LEPR: variants seen among roughly 807,000 people sequenced by gnomAD.
LEPR encodes the protein OB receptor.
A neutral mutation model predicts 114.7 loss-of-function variants in LEPR; 56 were observed. That is an observed-to-expected ratio of 0.49 (90% CI 0.39 to 0.61). The LOEUF is 0.61. Ranked by LOEUF, LEPR falls within the 20% of genes least tolerant of loss-of-function variation. The pLI, the probability that LEPR is intolerant of heterozygous loss-of-function variation, is 0.00. For synonymous variants in LEPR, 443 were observed against 461.4 expected (o/e 0.96, Z 0.51); for missense variants, 1,202 against 1,352.9 (o/e 0.89, Z 1.75).
chr1:65,489,467 T>C (rs1647752207), intron 2 of LEPR, among the ~76,000 whole-genome samples: 1 of 152,182 alleles, frequency 6.6e-6, no homozygotes, highest in African/African-American at 2.4e-5. Flanking sequence ...ATTGGATTAT[T>C]TGATTTTCCT....
At chr1:65,435,188 C>G in intron 2 of LEPR, 1 of 985,368 alleles carries the variant, frequency 1.0e-6, no homozygotes, top group African/African-American at 1.7e-5. Context: ...ATAGTTGTTT[C>G]TTTTCTTCCA....
intron 14 of LEPR, 118 bp from the exon 15 acceptor site, chr1:65,615,890 C>T: frequency 1.5e-6 from 2 of 1,335,238 alleles, no homozygotes; most frequent in Non-Finnish European, 2.1e-6. Flanking sequence ...TGTAATAGTA[C>T]CTGCCCTGAT....
At chr1:65,511,447 C>T (rs868223559) in intron 2 of LEPR, among the ~76,000 whole-genome samples, 1 of 151,196 alleles carries the variant, frequency 6.6e-6, no homozygotes, top group African/African-American at 2.4e-5. Context: ...CACACACACA[C>T]ACACACACAC....
chr1:65,450,102 T>C (rs1646763524), intron 2 of LEPR, among the ~76,000 whole-genome samples: 1 of 152,216 alleles, frequency 6.6e-6, no homozygotes, highest in South Asian at 2.1e-4. Context: ...TTTAATTCTA[T>C]TGTGGTTTGA....
intron 8 of LEPR, 60 bp from the exon 9 acceptor site, chr1:65,601,332 G>A: frequency 6.3e-7 from 1 of 1,583,234 alleles, no homozygotes; most frequent in Non-Finnish European, 8.6e-7. Flanking sequence ...TTTCGATGTG[G>A]TACAAATTAC....
chr1:65,620,352 TTTG>T (rs1359498577), intron 17 of LEPR, among the ~76,000 whole-genome samples: 9 of 152,200 alleles, frequency 5.9e-5, no homozygotes, highest in African/African-American at 2.2e-4. Flanking sequence ...AAACATTTCA[TTTG>T]TTGTTAGAAT....
chr1:65,488,648 A>C (rs1350403568), intron 2 of LEPR, among the ~76,000 whole-genome samples: 1 of 151,886 alleles, frequency 6.6e-6, no homozygotes, highest in East Asian at 1.9e-4. Flanking sequence ...AAAAATATAC[A>C]ATTAATTATT....
intron 2 of LEPR, among the ~76,000 whole-genome samples, chr1:65,470,642 C>T (rs925133840): frequency 4.6e-5 from 7 of 152,140 alleles, no homozygotes; most frequent in Admixed American, 1.3e-4. Flanking sequence ...CCACTGATTA[C>T]CCAACATTGC....
rs1264386898 is a variant in LEPR, at chr1:65,613,549, C to T, written c.1996-2459C>T. Reference sequence around the variant, plus strand: ...CGGGTGGATCACGAGGTCAGGAGATCGAGACCATCCTGGCTAACAAGGTGA... The same window carrying T: ...CGGGTGGATCACGAGGTCAGGAGATTGAGACCATCCTGGCTAACAAGGTGA... On this transcript the variant is annotated intron_variant, in intron 14 of 19. Transcript: ENST00000349533. 2.0e-5 allele frequency among the ~76,000 whole-genome samples: 2 copies of T among 98,968 alleles called. 1 individual carries two copies. The highest frequency in any genetic ancestry group is 4.3e-5 in the Non-Finnish European group (2 of 46,104). The allele number at this position is 98,968 out of a possible 152,430, so 64.9% of individuals were successfully genotyped here.
At chr1:65,476,623 C>T (rs960355670) in intron 2 of LEPR, among the ~76,000 whole-genome samples, 1 of 152,170 alleles carries the variant, frequency 6.6e-6, no homozygotes, top group Non-Finnish European at 1.5e-5. Flanking sequence ...ACAGCAAGTT[C>T]TCCACTAAGC....
Position 65,583,596 on chromosome 1 carries a change from T to A in LEPR, c.495-9061T>A, listed in dbSNP as rs543296748. Reference sequence around the variant, plus strand: ...TAAAGGATGCCCTAAAAGATTCAAATTAGTGCTCAAGTAACTTAACTGACT... The same window carrying A: ...TAAAGGATGCCCTAAAAGATTCAAAATAGTGCTCAAGTAACTTAACTGACT... On this transcript the variant is annotated intron_variant, in intron 5 of 19. Transcript: ENST00000349533. Among the ~76,000 whole-genome samples, 7 of 152,212 alleles carry A rather than the reference T, an allele frequency of 4.6e-5. No individual in the cohort carries two copies. In the East Asian group the frequency reaches 1.4e-3, roughly 29 times the overall value.
At chr1:65,536,267 A>T (rs1011410179) in intron 2 of LEPR, among the ~76,000 whole-genome samples, 1 of 152,070 alleles carries the variant, frequency 6.6e-6, no homozygotes, top group South Asian at 2.1e-4. Flanking sequence ...TCTTGCTTCC[A>T]TGCTGTCACT....
At chr1:65,432,980 C>T (rs77709662) in intron 2 of LEPR, 26 of 985,268 alleles carry the variant, frequency 2.6e-5, no homozygotes, top group Non-Finnish European at 3.1e-5. Context: ...CCCAAAAAAA[C>T]ATCTCAGTGG....
rs1657876961 is a variant in LEPR, at chr1:65,621,401, CA to C, written c.2541del (p.Val848Ter). On this transcript the variant is annotated frameshift_variant, in exon 18 of 20. Transcript: ENST00000349533. LOFTEE classifies it high-confidence loss of function. The part of the protein sequence containing the change: ...QSDAGLYVIV[P>X]VIISSSILLL... ...GATGCAGGTTTATATGTAATTGTGCCAGTAATTATTTCCTCTTCCATCTTAT... is the reference window on the plus strand; with the variant it reads ...GATGCAGGTTTATATGTAATTGTGCCGTAATTATTTCCTCTTCCATCTTAT... 1 of 1,613,110 alleles carries C rather than the reference CA, an allele frequency of 6.2e-7. No homozygotes were observed. The highest frequency in any genetic ancestry group is 8.5e-7 in the Non-Finnish European group (1 of 1,179,616).
intron 11 of LEPR, among the ~76,000 whole-genome samples, chr1:65,608,074 T>A (rs1456595886): frequency 6.6e-6 from 1 of 151,864 alleles, no homozygotes; most frequent in Non-Finnish European, 1.5e-5. Flanking sequence ...TCTCTGACCT[T>A]GACCTAGAAA....
At chr1:65,576,571 G>C (rs1398888391) in intron 5 of LEPR, 11 of 153,934 alleles carry the variant, frequency 7.1e-5, no homozygotes, top group Admixed American at 6.6e-4. Flanking sequence ...ATGGGTCCCA[G>C]ATATCTGCAT....
chr1:65,544,600 T>C (rs963695488), intron 2 of LEPR, among the ~76,000 whole-genome samples: 2 of 151,846 alleles, frequency 1.3e-5, no homozygotes, highest in African/African-American at 4.9e-5. Context: ...TTATTATTTT[T>C]AGATATGTTC....
chr1:65,568,410 C>T (rs544355544), intron 3 of LEPR, among the ~76,000 whole-genome samples: 2 of 152,186 alleles, frequency 1.3e-5, no homozygotes, highest in African/African-American at 2.4e-5. Flanking sequence ...AGTTATTTCA[C>T]TTAGAATAAT....
At chr1:65,433,325 TC>T in intron 2 of LEPR, 1 of 985,440 alleles carries the variant, frequency 1.0e-6, no homozygotes, top group Non-Finnish European at 1.2e-6. Context: ...GTAGGTCTTT[TC>T]TATATAACTT....
Sources: gnomAD v4.1 joint callset for allele counts (sites outside exome capture counted in the v4.1 genomes callset) on GRCh38, gnomAD v4.1.1 for gene constraint, MANE v1.5 for transcripts, NCBI Gene and HGNC (gene_info 2026-07-23, HGNC 2026-07-21) for gene names.